The following SAMD12 variants were observed in gnomAD, a reference collection of about 807,000 sequenced individuals.
SAMD12 encodes the protein sterile alpha motif domain-containing protein 12.
SAMD12 carries 9 observed loss-of-function variants against 15.0 expected under a neutral mutation model. The observed-to-expected ratio is 0.60, with a 90% CI of 0.36 to 1.05. The LOEUF is 1.05. Ranked by LOEUF, SAMD12 falls within the 50% of genes least tolerant of loss-of-function variation. The pLI is 0.01. For missense variants in SAMD12, 230 were observed against 234.2 expected, an observed-to-expected ratio of 0.98 and a Z score of 0.12; for synonymous variants, 86 against 90.1, an observed-to-expected ratio of 0.96 and a Z score of 0.25.
rs1216416836 is a variant in SAMD12 at position 118,305,138 on chromosome 8, C to T, written c.433+74422G>A. ...CACTACAGCCTGGGCAAAAGTGACT[C>T]CCTGTCAAAAAAAAAAAAAAAAAAA... is the stretch of plus-strand genomic sequence containing the variant. On this transcript the variant is annotated intron_variant, in intron 4 of 4. Coordinates refer to the SAMD12 transcript ENST00000409003. Among the ~76,000 whole-genome samples the T allele has an allele frequency of 5.4e-5, 6 of 111,436 alleles. No individual in the cohort carries two copies. The Admixed American group carries it at 6.2e-4, about 11-fold the overall frequency. 73.1% of individuals were successfully genotyped at this position (111,436 alleles called of 152,430 possible).
Position 118,220,961 on chromosome 8 carries a change from A to G in SAMD12, c.434-23229T>C, listed in dbSNP as rs116883739. ...ACATATTGTCCATTGAGATGAGAAG[A>G]CGTGTGGTGGAATACGAAGATATGA... On this transcript the variant is annotated intron_variant, in intron 4 of 4. Coordinates refer to the SAMD12 transcript ENST00000409003. Among the ~76,000 whole-genome samples, 43 of 152,124 alleles carry G rather than the reference A, an allele frequency of 2.8e-4. No individual in the cohort carries two copies. The East Asian group carries it at 8.3e-3, about 29-fold the overall frequency.
At chr8:118,197,758 T>A (rs760840388) in intron 4 of SAMD12, 1 of 1,608,268 alleles carries the variant, frequency 6.2e-7, no homozygotes. Flanking sequence ...GGGGGAAATA[T>A]GGTAAGTTCT....
At chr8:118,148,083 A>G in the SAMD12 span, among the ~76,000 whole-genome samples, 1 of 151,772 alleles carries the variant, frequency 6.6e-6, no homozygotes, top group African/African-American at 2.4e-5. Context: ...ATGCACCACC[A>G]TGCCCGGCTA....
intron 3 of SAMD12, among the ~76,000 whole-genome samples, chr8:118,432,409 G>A (rs1452139589): frequency 2.0e-5 from 3 of 152,112 alleles, no homozygotes; most frequent in Non-Finnish European, 4.4e-5. Context: ...ACAAAGGAAG[G>A]GACTGGAAGA....
At chr8:118,498,505 T>C (rs1225364917) in intron 2 of SAMD12, among the ~76,000 whole-genome samples, 1 of 152,232 alleles carries the variant, frequency 6.6e-6, no homozygotes, top group Admixed American at 6.5e-5. Flanking sequence ...ATCACTGCTC[T>C]GAATTTCTAA....
At chr8:118,431,874 A>C (rs780943993) in intron 3 of SAMD12, among the ~76,000 whole-genome samples, 2 of 152,110 alleles carry the variant, frequency 1.3e-5, no homozygotes, top group Non-Finnish European at 2.9e-5. Flanking sequence ...ATATTCTAGT[A>C]ATGCATATGT....
intron 2 of SAMD12, among the ~76,000 whole-genome samples, chr8:118,467,916 A>T (rs1823643893): frequency 6.6e-6 from 1 of 152,234 alleles, no homozygotes; most frequent in Non-Finnish European, 1.5e-5. Context: ...TCATGGCATT[A>T]TGGACCACGA....
chr8:118,486,279 A>G lies in SAMD12; in HGVS notation c.193-46318T>C, dbSNP rs189759167. Among the ~76,000 whole-genome samples the G allele has an allele frequency of 2.3e-3, 351 of 152,026 alleles. 5 individuals are homozygous for G. Among genetic ancestry groups the G allele is most frequent in the Admixed American group, 0.018 (278 of 15,258 alleles). On this transcript the variant is annotated intron_variant, in intron 2 of 3. Coordinates refer to ENST00000314727, the MANE Select transcript of SAMD12 (RefSeq NM_207506.3). ...AAATACAAAAAAATTAGTCGGGTGT[A>G]GTGGTGGGCGCCTGTAGTCCCAGCT...
At chr8:118,250,908 C>T (rs1390211326) in intron 4 of SAMD12, among the ~76,000 whole-genome samples, 2 of 152,068 alleles carry the variant, frequency 1.3e-5, no homozygotes, top group African/African-American at 4.8e-5. Context: ...AGAGTCTGTC[C>T]TACACAGGAC....
rs58076997 is a variant in SAMD12, at chr8:118,302,078, G to GTTTTTTTTTTTTTTTTTTT, written c.433+77463_433+77481dup. On this transcript the variant is annotated intron_variant, in intron 4 of 4. Transcript: ENST00000409003. The stretch of plus-strand genomic sequence containing the variant: ...ATTTTCTAGCGCCAGATCTTTGAGA[G>GTTTTTTTTTTTTTTTTTTT]TTTTTTTTTTTTTTTTTTTTTTTTT... Among the ~76,000 whole-genome samples the GTTTTTTTTTTTTTTTTTTT allele has an allele frequency of 6.6e-4, 49 of 74,688 alleles. 8 individuals are homozygous for GTTTTTTTTTTTTTTTTTTT. The highest frequency in any genetic ancestry group is 2.6e-3 in the African/African-American group (37 of 14,294). 49.0% of individuals were successfully genotyped at this position (74,688 alleles called of 152,430 possible).
chr8:118,512,457 C>T (rs960046293), intron 2 of SAMD12, among the ~76,000 whole-genome samples: 6 of 152,096 alleles, frequency 3.9e-5, no homozygotes, highest in African/African-American at 1.4e-4. Context: ...TGAACAAATT[C>T]TGAATAATTT....
intron 2 of SAMD12, among the ~76,000 whole-genome samples, chr8:118,511,318 C>A (rs79010137): frequency 0.024 from 3,580 of 152,120 alleles, 115 homozygotes; most frequent in African/African-American, 0.076. Context: ...CATATGAAGG[C>A]GAAAACCATT....
intron 2 of SAMD12, among the ~76,000 whole-genome samples, chr8:118,573,664 C>T (rs1381634607): frequency 6.6e-6 from 1 of 152,074 alleles, no homozygotes; most frequent in African/African-American, 2.4e-5. Context: ...GGCTAATATG[C>T]CACTTGTACC....
chr8:118,393,872 G>A (rs1480836287), intron 3 of SAMD12, among the ~76,000 whole-genome samples: 1 of 152,124 alleles, frequency 6.6e-6, no homozygotes, highest in Non-Finnish European at 1.5e-5. Flanking sequence ...AAAGTGCTGG[G>A]ATTACAGGGA....
intron 2 of SAMD12, among the ~76,000 whole-genome samples, chr8:118,520,388 T>G (rs1825356581): frequency 6.6e-6 from 1 of 152,186 alleles, no homozygotes; most frequent in Admixed American, 6.5e-5. Context: ...GTGAGATACT[T>G]GAAAACATAG....
intron 3 of SAMD12, among the ~76,000 whole-genome samples, chr8:118,410,364 A>G (rs781614876): frequency 4.6e-5 from 7 of 152,210 alleles, no homozygotes; most frequent in African/African-American, 7.2e-5. Context: ...CTCATATGGA[A>G]TATTACTTGC....
chr8:118,372,073 A>G (rs1366664180), intron 4 of SAMD12, among the ~76,000 whole-genome samples: 1 of 152,172 alleles, frequency 6.6e-6, no homozygotes, highest in Non-Finnish European at 1.5e-5. Flanking sequence ...ACTAAATAAA[A>G]GGCATGAAAG....
chr8:118,486,105 G>A (rs1316253080), intron 2 of SAMD12, among the ~76,000 whole-genome samples: 1 of 152,132 alleles, frequency 6.6e-6, no homozygotes, highest in African/African-American at 2.4e-5. Context: ...TTGTTACTGG[G>A]GAAGCCCAAA....
chr8:118,285,746 CA>C (rs1326774367), intron 4 of SAMD12, among the ~76,000 whole-genome samples: 1 of 152,180 alleles, frequency 6.6e-6, no homozygotes, highest in Non-Finnish European at 1.5e-5. Context: ...AGCTATTGAA[CA>C]GACTGAATAG....
Sources: gnomAD v4.1 joint callset for allele counts (sites outside exome capture counted in the v4.1 genomes callset) on GRCh38, gnomAD v4.1.1 for gene constraint, MANE v1.5 for transcripts, NCBI Gene and HGNC (gene_info 2026-07-23, HGNC 2026-07-21) for gene names.